The following ENTREP2 variants were observed in gnomAD, a reference collection of about 807,000 sequenced individuals.
ENTREP2 encodes the protein endosomal transmembrane epsin interactor 2.
chr15:29,523,561 A>ATTTTTTTTTT, the ENTREP2 span, among the ~76,000 whole-genome samples: 3 of 78,482 alleles, frequency 3.8e-5, no homozygotes, highest in African/African-American at 1.6e-4. Context: ...TCCCAGCTAG[A>ATTTTTTTTTT]TTTTTTTTTT....
the ENTREP2 span, among the ~76,000 whole-genome samples, chr15:29,536,518 C>T: frequency 1.3e-4 from 20 of 151,338 alleles, no homozygotes; most frequent in Non-Finnish European, 7.4e-5. Flanking sequence ...GCAGAAGAAT[C>T]GCTTGAACCC....
At chr15:29,269,783 A>T in the ENTREP2 span, 46 of 1,330,800 alleles carry the variant, frequency 3.5e-5, no homozygotes, top group Non-Finnish European at 4.4e-5. Flanking sequence ...CGACCCGCTA[A>T]CGCCGGTGCC....
chr15:29,641,686 G>T, the ENTREP2 span, among the ~76,000 whole-genome samples: 28 of 152,012 alleles, frequency 1.8e-4, no homozygotes, highest in South Asian at 2.1e-4. Context: ...ACAAAAATTA[G>T]CCGGGCATGG....
chr15:29,616,060 T>C, the ENTREP2 span, among the ~76,000 whole-genome samples: 14 of 152,204 alleles, frequency 9.2e-5, no homozygotes, highest in African/African-American at 3.4e-4. Context: ...GGTAACAGTG[T>C]CTGTTGGAGG....
the ENTREP2 span, among the ~76,000 whole-genome samples, chr15:29,351,936 A>T: frequency 1.1e-4 from 17 of 151,458 alleles, no homozygotes; most frequent in African/African-American, 4.1e-4. Context: ...ACCACGTCCA[A>T]CTAATTTTAC....
At chr15:29,392,549 G>A in the ENTREP2 span, among the ~76,000 whole-genome samples, 1 of 152,162 alleles carries the variant, frequency 6.6e-6, no homozygotes, top group Admixed American at 6.5e-5. Context: ...GACTGCCATT[G>A]TTGCAGCCAA....
At chr15:29,269,033 C>T in the ENTREP2 span, 2 of 1,614,112 alleles carry the variant, frequency 1.2e-6, no homozygotes, top group Non-Finnish European at 1.7e-6. Flanking sequence ...ACAAAGTCCT[C>T]AGTAATGAGT....
chr15:29,345,934 C>T, the ENTREP2 span, among the ~76,000 whole-genome samples: 1 of 152,142 alleles, frequency 6.6e-6, no homozygotes, highest in Non-Finnish European at 1.5e-5. Flanking sequence ...AACCTAAGCA[C>T]CTTATTATTA....
chr15:29,606,384 G>A, the ENTREP2 span, among the ~76,000 whole-genome samples: 7 of 151,568 alleles, frequency 4.6e-5, no homozygotes, highest in African/African-American at 1.5e-4. Flanking sequence ...ACAAGCGCGC[G>A]CCACCACACC....
At chr15:29,128,604 A>G in the ENTREP2 span, among the ~76,000 whole-genome samples, 3 of 152,226 alleles carry the variant, frequency 2.0e-5, no homozygotes, top group South Asian at 4.2e-4. Context: ...ACAGGAAGAA[A>G]TGTGGGGATA....
the ENTREP2 span, among the ~76,000 whole-genome samples, chr15:29,306,664 A>ATTTTTTTTTTTTTTTTTTTTT: frequency 6.5e-5 from 5 of 77,338 alleles, 1 homozygote; most frequent in Non-Finnish European, 1.2e-4. Flanking sequence ...ATAATTGGTA[A>ATTTTTTTTTTTTTTTTTTTTT]TTTTTTTTTT....
the ENTREP2 span, among the ~76,000 whole-genome samples, chr15:29,480,815 G>A: frequency 2.0e-5 from 3 of 152,140 alleles, no homozygotes; most frequent in Admixed American, 1.3e-4. Context: ...AAAACCTCAC[G>A]GCTGCAGTTG....
At chr15:29,387,232 C>G in the ENTREP2 span, among the ~76,000 whole-genome samples, 19,909 of 152,076 alleles carry the variant, frequency 0.13, 2,213 homozygotes, top group African/African-American at 0.3. Flanking sequence ...TTGTCAAAGG[C>G]CTTTTCTGCA....
At chr15:29,571,430 G>A in the ENTREP2 span, among the ~76,000 whole-genome samples, 105 of 152,318 alleles carry the variant, frequency 6.9e-4, no homozygotes, top group African/African-American at 2.4e-3. Context: ...CCGAGCGCTG[G>A]GCCGCAGGTG....
the ENTREP2 span, among the ~76,000 whole-genome samples, chr15:29,407,377 C>T: frequency 1.9e-3 from 293 of 152,304 alleles, no homozygotes; most frequent in Middle Eastern, 6.8e-3. Context: ...TGGTGTACGA[C>T]TGTATATCTA....
At chr15:29,657,358 T>C in the ENTREP2 span, among the ~76,000 whole-genome samples, 4 of 150,170 alleles carry the variant, frequency 2.7e-5, no homozygotes, top group African/African-American at 1.0e-4. Context: ...AAGACGGCAG[T>C]GTTACAGTTC....
chr15:29,345,874 G>C, the ENTREP2 span, among the ~76,000 whole-genome samples: 1 of 152,192 alleles, frequency 6.6e-6, no homozygotes, highest in Non-Finnish European at 1.5e-5. Context: ...ACGTCCCCGT[G>C]AGGCAAGATG....
chr15:29,153,254 C>G, the ENTREP2 span, among the ~76,000 whole-genome samples: 2 of 151,754 alleles, frequency 1.3e-5, no homozygotes, highest in African/African-American at 4.8e-5. Context: ...TGTAGCTTGT[C>G]TTTTCATGTT....
At chr15:29,429,813 G>A in the ENTREP2 span, among the ~76,000 whole-genome samples, 811 of 152,330 alleles carry the variant, frequency 5.3e-3, 9 homozygotes, top group African/African-American at 0.018. Context: ...CCGGGCCGGC[G>A]TGAGGGCACC....
Sources: gnomAD v4.1 joint callset for allele counts (sites outside exome capture counted in the v4.1 genomes callset) on GRCh38, gnomAD v4.1.1 for gene constraint, MANE v1.5 for transcripts, NCBI Gene and HGNC (gene_info 2026-07-23, HGNC 2026-07-21) for gene names.